Variants in BRINP2 observed in about 807,000 individuals in gnomAD.
BRINP2 encodes BMP/retinoic acid-inducible neural-specific protein 2.
BRINP2 carries 21 observed loss-of-function variants against 69.2 expected under a neutral mutation model. The ratio of observed to expected loss-of-function variants is 0.30; its 90% CI spans 0.22 to 0.44. The LOEUF (loss-of-function observed/expected upper bound fraction) is 0.44, where lower values mean the gene tolerates loss of function less well. Ranked by LOEUF, BRINP2 falls within the 20% of genes least tolerant of loss-of-function variation. The pLI, the probability that BRINP2 is intolerant of heterozygous loss-of-function variation, is 1.00. For synonymous variants in BRINP2, 380 were observed against 394.1 expected, an observed-to-expected ratio of 0.96 and a Z score of 0.42; for missense variants, 877 against 986.0, an observed-to-expected ratio of 0.89 and a Z score of 1.48.
At chr1:177,246,738 A>G (rs962875447) in intron 2 of BRINP2, among the ~76,000 whole-genome samples, 16 of 152,128 alleles carry the variant, frequency 1.1e-4, no homozygotes, top group African/African-American at 2.7e-4. Flanking sequence ...CTTCCCCCCA[A>G]TCTCTCAGGA....
rs191293192 is a variant in BRINP2, at chr1:177,191,975, G to T, written c.-77+20243G>T. Among the ~76,000 whole-genome samples the T allele has an allele frequency of 3.9e-5, 6 of 152,090 alleles. No homozygotes were observed. The East Asian group carries it at 1.2e-3, about 29-fold the overall frequency. On this transcript the variant is annotated intron_variant, in intron 1 of 7. Transcript: ENST00000361539. ...TTGTGTTTTCTTTAATACATATCTT[G>T]ATTTAACCTCAAATTAAAAATAAAA... is the stretch of plus-strand genomic sequence containing the variant.
At chr1:177,267,894 A>AAAGAATCTT (rs1428468557) in intron 4 of BRINP2, among the ~76,000 whole-genome samples, 7 of 152,246 alleles carry the variant, frequency 4.6e-5, no homozygotes, top group African/African-American at 1.7e-4. Context: ...CTCTAAGAAC[A>AAAGAATCTT]CATTGAAAGT....
At chr1:177,204,872 G>T (rs2102306404) in intron 1 of BRINP2, among the ~76,000 whole-genome samples, 1 of 152,096 alleles carries the variant, frequency 6.6e-6, no homozygotes, top group Non-Finnish European at 1.5e-5. Flanking sequence ...ATAAAAACTT[G>T]CATTCTATTT....
intron 2 of BRINP2, among the ~76,000 whole-genome samples, chr1:177,253,111 G>C (rs535088512): frequency 1.3e-5 from 2 of 152,190 alleles, no homozygotes; most frequent in African/African-American, 4.8e-5. Flanking sequence ...TTAGTTTTCT[G>C]AGGAATTTTC....
At chr1:177,247,103 A>C (rs1451707458) in intron 2 of BRINP2, among the ~76,000 whole-genome samples, 1 of 152,238 alleles carries the variant, frequency 6.6e-6, no homozygotes, top group East Asian at 1.9e-4. Flanking sequence ...GAGTCCTATG[A>C]AAAAGACAAA....
At chr1:177,196,184 G>A (rs921504587) in intron 1 of BRINP2, among the ~76,000 whole-genome samples, 3 of 152,160 alleles carry the variant, frequency 2.0e-5, no homozygotes, top group Admixed American at 2.0e-4. Flanking sequence ...TTAACGGATT[G>A]CATTTTCCTA....
At chr1:177,215,100 C>T (rs1459926753) in intron 1 of BRINP2, among the ~76,000 whole-genome samples, 1 of 152,206 alleles carries the variant, frequency 6.6e-6, no homozygotes, top group Non-Finnish European at 1.5e-5. Flanking sequence ...ATTCTACACT[C>T]TGCTTCTATG....
intron 4 of BRINP2, among the ~76,000 whole-genome samples, chr1:177,271,601 C>G (rs902428646): frequency 6.6e-6 from 1 of 152,132 alleles, no homozygotes; most frequent in African/African-American, 2.4e-5. Context: ...AGATTTGTCC[C>G]AGAGAGTTCT....
chr1:177,173,372 C>T (rs1401694614), intron 1 of BRINP2, among the ~76,000 whole-genome samples: 1 of 152,238 alleles, frequency 6.6e-6, no homozygotes, highest in Non-Finnish European at 1.5e-5. Flanking sequence ...ACCATAGTCT[C>T]CCCTTCTGGA....
At chr1:177,198,253 G>A (rs1030052409) in intron 1 of BRINP2, among the ~76,000 whole-genome samples, 1 of 152,190 alleles carries the variant, frequency 6.6e-6, no homozygotes, top group Non-Finnish European at 1.5e-5. Context: ...GAGTATGGAT[G>A]GAGAAAGTTG....
Position 177,256,174 on chromosome 1 carries a change from T to C in BRINP2, c.460+65T>C, listed in dbSNP as rs193061942. The C allele has an allele frequency of 1.9e-6, 3 of 1,552,414 alleles. No individual in the cohort carries two copies. The East Asian group carries it at 6.8e-5, about 35-fold the overall frequency. ...CCATTGGAAATAACGTTAAGACTCG[T>C]GTAGCGTAGCTCCAACAGTCTTATC... On this transcript the variant is annotated intron_variant, in intron 3 of 7. Transcript: ENST00000361539.
chr1:177,184,632 G>T (rs1648372953), intron 1 of BRINP2, among the ~76,000 whole-genome samples: 1 of 149,226 alleles, frequency 6.7e-6, no homozygotes, highest in Non-Finnish European at 1.5e-5. Flanking sequence ...CATTTTGAAG[G>T]TAGAGCCTGA....
At position 177,281,642 on chromosome 1, in the gene BRINP2, A is replaced by C; in HGVS notation, c.*114A>C. 1 of 1,380,338 alleles carries C rather than the reference A, an allele frequency of 7.2e-7. No homozygotes were observed. The highest frequency in any genetic ancestry group is 9.7e-7 in the Non-Finnish European group (1 of 1,026,244). 85.5% of individuals were successfully genotyped at this position (1,380,338 alleles called of 1,614,324 possible). The stretch of plus-strand genomic sequence containing the variant: ...GGTGTGCTCCCACGAGACTTTCAGC[A>C]TCCAGTAGATGGGACCTCGAGGCTC... On this transcript the variant is annotated 3_prime_UTR_variant, in exon 8 of 8. Transcript: ENST00000361539.
rs913853412 is a variant in BRINP2 at position 177,170,977 on chromosome 1, C to T, written c.-832C>T. Among the ~76,000 whole-genome samples the T allele has an allele frequency of 6.6e-6, 1 of 152,262 alleles. No individual in the cohort carries two copies. Among genetic ancestry groups the T allele is most frequent in the Non-Finnish European group, 1.5e-5 (1 of 68,044 alleles). On this transcript the variant is annotated 5_prime_UTR_variant, in exon 1 of 8. Transcript: ENST00000361539. ...GTGTCTGAGTCTGCAGGTGACACTG[C>T]TTAGGTACGGAGCGCGGAGTCGGAG...
intron 2 of BRINP2, among the ~76,000 whole-genome samples, chr1:177,240,513 GAAC>G (rs1650166131): frequency 6.6e-6 from 1 of 152,056 alleles, no homozygotes; most frequent in African/African-American, 2.4e-5. Context: ...AAATTAAAAA[GAAC>G]AACACTAAAA....
intron 4 of BRINP2, among the ~76,000 whole-genome samples, chr1:177,263,124 T>C (rs1392647991): frequency 6.6e-6 from 1 of 152,178 alleles, no homozygotes; most frequent in African/African-American, 2.4e-5. Flanking sequence ...AAGAAGCCTT[T>C]GAGGATGCTA....
rs2102281463 is a variant in BRINP2 at position 177,171,127 on chromosome 1, C to A, written c.-682C>A. On this transcript the variant is annotated 5_prime_UTR_variant, in exon 1 of 8. Transcript: ENST00000361539. The stretch of plus-strand genomic sequence containing the variant: ...ATTAGGACTTGCCCGGGGATGTGCA[C>A]CTGCCGTGCGCTCCGAGGTCAGTGG... 6.6e-6 allele frequency among the ~76,000 whole-genome samples: 1 copy of A among 152,350 alleles called. No individual in the cohort carries two copies. Among genetic ancestry groups the A allele is most frequent in the Admixed American group, 6.5e-5 (1 of 15,310 alleles).
intron 1 of BRINP2, among the ~76,000 whole-genome samples, chr1:177,190,586 G>A (rs1179046935): frequency 3.3e-5 from 5 of 152,188 alleles, no homozygotes; most frequent in Non-Finnish European, 5.9e-5. Context: ...AAGTAAAGGG[G>A]GAGTTAGATC....
chr1:177,210,172 T>TAA (rs1649183188), intron 1 of BRINP2, among the ~76,000 whole-genome samples: 1 of 152,208 alleles, frequency 6.6e-6, no homozygotes, highest in African/African-American at 2.4e-5. Context: ...TCTCTAAAAA[T>TAA]AAAAACAGCC....
Sources: allele counts gnomAD v4.1 joint callset (sites outside exome capture counted in the v4.1 genomes callset), GRCh38; gene constraint gnomAD v4.1.1; transcripts MANE v1.5; gene names NCBI Gene and HGNC (gene_info 2026-07-23, HGNC 2026-07-21).